The following CERS6 variants were observed in gnomAD, a reference collection of about 807,000 sequenced individuals.
The protein encoded by CERS6 is LAG1 homolog, ceramide synthase 6.
CERS6 carries 26 observed loss-of-function variants against 56.8 expected under a neutral mutation model. That is an observed-to-expected ratio of 0.46 (90% CI 0.34 to 0.63). The LOEUF is 0.63. CERS6 is among the 30% of genes least tolerant of loss of function. The pLI, the probability that CERS6 is intolerant of heterozygous loss-of-function variation, is 0.01. For missense variants in CERS6, 415 were observed against 467.5 expected, an observed-to-expected ratio of 0.89 and a Z score of 1.04; for synonymous variants, 164 against 173.3, an observed-to-expected ratio of 0.95 and a Z score of 0.42.
chr2:168,564,821 C>T (rs1209510011), intron 3 of CERS6, among the ~76,000 whole-genome samples: 1 of 152,216 alleles, frequency 6.6e-6, no homozygotes, highest in Non-Finnish European at 1.5e-5. Flanking sequence ...CCCTGAATCA[C>T]ATGCTGCCTT....
intron 1 of CERS6, among the ~76,000 whole-genome samples, chr2:168,484,377 C>T (rs1694238155): frequency 1.3e-5 from 2 of 151,584 alleles, no homozygotes; most frequent in South Asian, 4.1e-4. Context: ...GACGGGGTTT[C>T]TCCATGTTGG....
At chr2:168,590,070 T>C (rs1683636628) in intron 3 of CERS6, among the ~76,000 whole-genome samples, 1 of 152,212 alleles carries the variant, frequency 6.6e-6, no homozygotes, top group South Asian at 2.1e-4. Context: ...CTCAGTTGAC[T>C]GATAAGAGAG....
chr2:168,721,337 T>G (rs1687360736), intron 8 of CERS6, among the ~76,000 whole-genome samples: 1 of 152,146 alleles, frequency 6.6e-6, no homozygotes, highest in South Asian at 2.1e-4. Context: ...ATACCACATT[T>G]TATTTATCCA....
chr2:168,522,532 T>TGA (rs1357338583), intron 1 of CERS6, among the ~76,000 whole-genome samples: 14 of 149,232 alleles, frequency 9.4e-5, no homozygotes, highest in Admixed American at 6.0e-4. Context: ...CCCTGTAACT[T>TGA]AGGTGAATTT....
At chr2:168,675,381 T>C (rs930816796) in intron 4 of CERS6, among the ~76,000 whole-genome samples, 1 of 152,058 alleles carries the variant, frequency 6.6e-6, no homozygotes, top group Admixed American at 6.5e-5. Context: ...GCTCACAAGT[T>C]CAAGACCAGA....
chr2:168,471,814 G>A (rs896020151), intron 1 of CERS6, among the ~76,000 whole-genome samples: 1 of 152,228 alleles, frequency 6.6e-6, no homozygotes, highest in African/African-American at 2.4e-5. Context: ...GCCAATCTAA[G>A]AGTCCGGCTG....
intron 8 of CERS6, among the ~76,000 whole-genome samples, chr2:168,740,534 C>G (rs1453481709): frequency 2.0e-5 from 3 of 152,102 alleles, no homozygotes; most frequent in Admixed American, 6.5e-5. Context: ...ATTATGAAGA[C>G]GTATCAACTG....
intron 4 of CERS6, among the ~76,000 whole-genome samples, chr2:168,632,471 C>G (rs759682280): frequency 2.6e-5 from 4 of 152,110 alleles, no homozygotes; most frequent in Non-Finnish European, 5.9e-5. Context: ...TACTTGTAGT[C>G]TTTTCCTTTG....
intron 1 of CERS6, among the ~76,000 whole-genome samples, chr2:168,464,713 C>A (rs79635413): frequency 4.1e-5 from 6 of 145,664 alleles, no homozygotes; most frequent in African/African-American, 8.0e-5. Flanking sequence ...AAAAAAAAAA[C>A]TACTCTACTC....
At chr2:168,463,293 A>T (rs1180172175) in intron 1 of CERS6, among the ~76,000 whole-genome samples, 1 of 152,222 alleles carries the variant, frequency 6.6e-6, no homozygotes, top group Non-Finnish European at 1.5e-5. Context: ...TTGCCATTTA[A>T]TGATATAATC....
intron 6 of CERS6, among the ~76,000 whole-genome samples, chr2:168,711,147 C>T (rs1464931273): frequency 6.6e-6 from 1 of 152,196 alleles, no homozygotes; most frequent in Non-Finnish European, 1.5e-5. Context: ...AAATGTTAGG[C>T]ACTTTCCAGG....
intron 1 of CERS6, among the ~76,000 whole-genome samples, chr2:168,457,700 C>A (rs969262863): frequency 6.6e-6 from 1 of 152,146 alleles, no homozygotes; most frequent in East Asian, 1.9e-4. Flanking sequence ...CTTCAACTCA[C>A]CTTGGTTTTG....
intron 8 of CERS6, among the ~76,000 whole-genome samples, chr2:168,721,591 A>ACAAAAG (rs1687372920): frequency 2.2e-5 from 3 of 138,862 alleles, no homozygotes; most frequent in African/African-American, 5.4e-5. Flanking sequence ...AAAAACAAAA[A>ACAAAAG]CTAAAGAAAA....
chr2:168,758,740 C>T (rs1684482812), intron 8 of CERS6, among the ~76,000 whole-genome samples: 1 of 152,132 alleles, frequency 6.6e-6, no homozygotes, highest in Non-Finnish European at 1.5e-5. Context: ...TTGGAAGTCG[C>T]ATGAGAATGG....
chr2:168,642,583 G>A (rs1353723614), intron 4 of CERS6, among the ~76,000 whole-genome samples: 2 of 152,114 alleles, frequency 1.3e-5, no homozygotes, highest in African/African-American at 4.8e-5. Flanking sequence ...GAGTAATCAG[G>A]GAGTATCAGA....
intron 1 of CERS6, among the ~76,000 whole-genome samples, chr2:168,481,473 T>G (rs1694178068): frequency 1.3e-5 from 2 of 152,130 alleles, no homozygotes; most frequent in Non-Finnish European, 2.9e-5. Flanking sequence ...CTGAGCAACT[T>G]TTTTTTGCCT....
intron 8 of CERS6, among the ~76,000 whole-genome samples, chr2:168,739,501 A>G (rs1192008263): frequency 1.3e-5 from 2 of 152,200 alleles, no homozygotes; most frequent in African/African-American, 4.8e-5. Context: ...GATCTCACTA[A>G]GAAAGGTAAG....
intron 1 of CERS6, among the ~76,000 whole-genome samples, chr2:168,482,407 A>G (rs1173505118): frequency 5.3e-5 from 8 of 152,192 alleles, no homozygotes; most frequent in Non-Finnish European, 1.2e-4. Context: ...CATAGAAGCT[A>G]AAGTAACCTC....
chr2:168,495,355 C>T (rs1694447435), intron 1 of CERS6, among the ~76,000 whole-genome samples: 1 of 152,186 alleles, frequency 6.6e-6, no homozygotes, highest in Non-Finnish European at 1.5e-5. Context: ...AAACAATAGT[C>T]ACCTGAGGTT....
Sources: gnomAD v4.1 joint callset for allele counts (sites outside exome capture counted in the v4.1 genomes callset) on GRCh38, gnomAD v4.1.1 for gene constraint, MANE v1.5 for transcripts, NCBI Gene and HGNC (gene_info 2026-07-23, HGNC 2026-07-21) for gene names.